The following METTL25 variants were observed in gnomAD, a reference collection of about 807,000 sequenced individuals.
METTL25 encodes the protein methyltransferase like 25.
A neutral mutation model predicts 71.6 loss-of-function variants in METTL25; 64 were observed. That is an observed-to-expected ratio of 0.89 (90% CI 0.73 to 1.10). METTL25 has a LOEUF of 1.10. METTL25 is among the 50% of genes least tolerant of loss of function. METTL25 has a pLI of 0.00. For synonymous variants in METTL25, 287 were observed against 250.3 expected (o/e 1.15, Z -1.38); for missense variants, 807 against 707.0 (o/e 1.14, Z -1.60).
At chr12:82,432,952 T>A (rs2137157079) in intron 6 of METTL25, among the ~76,000 whole-genome samples, 1 of 150,390 alleles carries the variant, frequency 6.6e-6, no homozygotes, top group Non-Finnish European at 1.5e-5. Flanking sequence ...AGACACAAAA[T>A]ATTAATTAAA....
intron 9 of METTL25, among the ~76,000 whole-genome samples, chr12:82,469,438 G>A (rs1425292502): frequency 6.6e-6 from 1 of 152,002 alleles, no homozygotes; most frequent in Non-Finnish European, 1.5e-5. Flanking sequence ...CACCCCAATA[G>A]GAAGGAGAAG....
intron 6 of METTL25, among the ~76,000 whole-genome samples, chr12:82,433,615 T>C (rs1014353320): frequency 4.0e-5 from 6 of 151,786 alleles, no homozygotes; most frequent in African/African-American, 1.4e-4. Context: ...TAGTTCTTGC[T>C]CAGTTCTTTG....
intron 5 of METTL25, among the ~76,000 whole-genome samples, chr12:82,421,453 A>G (rs948403945): frequency 4.6e-5 from 7 of 152,166 alleles, no homozygotes; most frequent in Admixed American, 2.6e-4. Flanking sequence ...ACTTCATGAG[A>G]TCTAGATTTG....
chr12:82,398,135 G>A (rs10735455), intron 3 of METTL25, among the ~76,000 whole-genome samples: 140,417 of 151,926 alleles, frequency 0.92, 65,207 homozygotes, highest in East Asian at 1. Flanking sequence ...TTTTTATGCA[G>A]TGTTTTATAG....
intron 4 of METTL25, among the ~76,000 whole-genome samples, chr12:82,401,296 A>G (rs576136699): frequency 6.6e-6 from 1 of 152,236 alleles, no homozygotes; most frequent in African/African-American, 2.4e-5. Context: ...AGTTATAAAA[A>G]TGTGTTTGAG....
chr12:82,426,674 ACCATCTTTTATTATGCT>A (rs1362024105), intron 5 of METTL25, among the ~76,000 whole-genome samples: 6 of 151,926 alleles, frequency 3.9e-5, no homozygotes, highest in African/African-American at 1.5e-4. Context: ...TTGAAGTAAG[ACCATCTTTTATTATGCT>A]CCACTTCTCC....
At chr12:82,369,948 A>T (rs904412577) in intron 1 of METTL25, among the ~76,000 whole-genome samples, 3 of 152,002 alleles carry the variant, frequency 2.0e-5, no homozygotes, top group Non-Finnish European at 2.9e-5. Context: ...CTTTACCTAG[A>T]CACAGAGTGC....
At chr12:82,371,786 C>G (rs970552347) in intron 1 of METTL25, among the ~76,000 whole-genome samples, 2 of 152,156 alleles carry the variant, frequency 1.3e-5, no homozygotes, top group Non-Finnish European at 2.9e-5. Context: ...TTAACGCCTC[C>G]TGTAGCTGCT....
chr12:82,445,142 G>C (rs201344766), intron 8 of METTL25, among the ~76,000 whole-genome samples: 1 of 151,992 alleles, frequency 6.6e-6, no homozygotes, highest in Non-Finnish European at 1.5e-5. Context: ...AAATATATTT[G>C]AGACCTGTGA....
intron 5 of METTL25, among the ~76,000 whole-genome samples, chr12:82,424,404 G>A (rs921790915): frequency 6.6e-6 from 1 of 151,960 alleles, no homozygotes; most frequent in Admixed American, 6.6e-5. Context: ...GGGAAGGGGG[G>A]AGGGATAGCA....
At chr12:82,477,242 A>T in intron 10 of METTL25, 39 bp from the exon 11 acceptor site, 2 of 892,716 alleles carry the variant, frequency 2.2e-6, no homozygotes, top group Non-Finnish European at 3.4e-6. Flanking sequence ...TTTTTTTTTT[A>T]AGTACCACCA....
chr12:82,431,303 G>A (rs1034126400), intron 6 of METTL25, among the ~76,000 whole-genome samples: 6 of 151,322 alleles, frequency 4.0e-5, no homozygotes, highest in Non-Finnish European at 8.9e-5. Flanking sequence ...TATAGAATGG[G>A]AAAAATATTA....
At chr12:82,438,582 G>A (rs1327530533) in intron 7 of METTL25, 136 bp from the exon 8 acceptor site, 2 of 361,764 alleles carry the variant, frequency 5.5e-6, no homozygotes, top group Admixed American at 4.7e-5. Flanking sequence ...CGCTCGTAAT[G>A]GAAAAATTAT....
At chr12:82,411,673 T>C (rs1025570659) in intron 5 of METTL25, among the ~76,000 whole-genome samples, 1 of 152,042 alleles carries the variant, frequency 6.6e-6, no homozygotes, top group Admixed American at 6.6e-5. Context: ...TTCAAGGTAC[T>C]TGTTTGGCTT....
rs531258089 is a variant in METTL25 at position 82,408,335 on chromosome 12, A to G, written c.1279+5205A>G. On this transcript the variant is annotated intron_variant, in intron 5 of 11. Transcript: ENST00000248306. ...CAAAAGGGCCTAGGAGTGTACATCA[A>G]AGTCCAAAATGCAGAGAGCTGGAGT... Among the ~76,000 whole-genome samples the G allele has an allele frequency of 1.1e-4, 16 of 152,116 alleles. 1 individual carries two copies. Among genetic ancestry groups the G allele is most frequent in the African/African-American group, 2.4e-4 (10 of 41,458 alleles).
intron 4 of METTL25, among the ~76,000 whole-genome samples, chr12:82,400,520 T>C (rs1886518435): frequency 6.6e-6 from 1 of 152,108 alleles, no homozygotes. Context: ...CTTTTTCTTA[T>C]ACATGAAATT....
At chr12:82,408,681 TGATA>T (rs1251364821) in intron 5 of METTL25, among the ~76,000 whole-genome samples, 7 of 151,812 alleles carry the variant, frequency 4.6e-5, no homozygotes, top group African/African-American at 1.7e-4. Flanking sequence ...GAAACTATTT[TGATA>T]GATGGAATAT....
At chr12:82,447,993 CAG>C in intron 8 of METTL25, among the ~76,000 whole-genome samples, 1 of 152,184 alleles carries the variant, frequency 6.6e-6, no homozygotes, top group Non-Finnish European at 1.5e-5. Flanking sequence ...ACTAAATTCA[CAG>C]TCCAGAAAGA....
At chr12:82,471,779 T>G (rs1208187608) in intron 9 of METTL25, among the ~76,000 whole-genome samples, 4 of 152,200 alleles carry the variant, frequency 2.6e-5, no homozygotes, top group Non-Finnish European at 5.9e-5. Context: ...TCTCAGTAGA[T>G]TTCATAATAA....
Sources: gnomAD v4.1 joint callset for allele counts (sites outside exome capture counted in the v4.1 genomes callset) on GRCh38, gnomAD v4.1.1 for gene constraint, MANE v1.5 for transcripts, NCBI Gene and HGNC (gene_info 2026-07-23, HGNC 2026-07-21) for gene names.